Variants in TRPM3 observed in about 807,000 individuals in gnomAD.
TRPM3 encodes transient receptor potential cation channel subfamily M member 3, also known as long transient receptor potential channel 3.
In TRPM3, 77 loss-of-function variants were observed where a neutral mutation model predicts 181.2. The observed-to-expected ratio is 0.42, with a 90% CI of 0.35 to 0.51. TRPM3 has a LOEUF of 0.51. Ranked by LOEUF, TRPM3 falls within the 20% of genes least tolerant of loss-of-function variation. TRPM3 has a pLI of 0.01. For missense variants in TRPM3, 1,759 were observed against 2,196.7 expected (o/e 0.80, Z 3.98); for synonymous variants, 745 against 796.4 (o/e 0.94, Z 1.09).
At chr9:71,284,113 T>TG (rs2085079596) in intron 1 of TRPM3, among the ~76,000 whole-genome samples, 1 of 111,474 alleles carries the variant, frequency 9.0e-6, no homozygotes, top group African/African-American at 3.6e-5. Context: ...CCAGCTTCAA[T>TG]GGGTTTTTTA....
intron 1 of TRPM3, among the ~76,000 whole-genome samples, chr9:71,324,662 C>A (rs746637430): frequency 6.6e-6 from 1 of 152,050 alleles, no homozygotes; most frequent in African/African-American, 2.4e-5. Flanking sequence ...AAGGATACTG[C>A]ACTCACATGT....
chr9:71,013,926 A>G (rs1356424605), intron 1 of TRPM3, among the ~76,000 whole-genome samples: 1 of 151,762 alleles, frequency 6.6e-6, no homozygotes, highest in Non-Finnish European at 1.5e-5. Context: ...TGCCACATTC[A>G]TTCCTGCTCT....
chr9:71,006,988 G>A (rs778498638), intron 1 of TRPM3, among the ~76,000 whole-genome samples: 10 of 127,390 alleles, frequency 7.8e-5, no homozygotes, highest in Non-Finnish European at 1.4e-4. Flanking sequence ...GCAGTGAGCC[G>A]AGATAGTGCC....
At chr9:71,167,174 G>A (rs2076580180) in intron 1 of TRPM3, among the ~76,000 whole-genome samples, 1 of 152,144 alleles carries the variant, frequency 6.6e-6, no homozygotes, top group African/African-American at 2.4e-5. Flanking sequence ...GACCATTTGT[G>A]CTAGTCAATG....
chr9:70,955,623 G>A (rs754417868), intron 1 of TRPM3, among the ~76,000 whole-genome samples: 18 of 152,160 alleles, frequency 1.2e-4, no homozygotes, highest in Non-Finnish European at 7.4e-5. Flanking sequence ...CAAGGAAAGC[G>A]CTAGAACTAG....
intron 1 of TRPM3, among the ~76,000 whole-genome samples, chr9:71,012,038 C>A (rs2097749401): frequency 6.6e-6 from 1 of 152,058 alleles, no homozygotes; most frequent in African/African-American, 2.4e-5. Flanking sequence ...CCGCATTGGC[C>A]TCTCAAAGTG....
intron 1 of TRPM3, among the ~76,000 whole-genome samples, chr9:71,064,634 T>C (rs569957807): frequency 6.6e-6 from 1 of 152,258 alleles, no homozygotes; most frequent in East Asian, 1.9e-4. Context: ...GCATGAATTA[T>C]AAGAGTGGTT....
chr9:70,838,043 T>C (rs2094430720), intron 5 of TRPM3, among the ~76,000 whole-genome samples: 1 of 152,202 alleles, frequency 6.6e-6, no homozygotes, highest in Non-Finnish European at 1.5e-5. Flanking sequence ...TTATAATTAC[T>C]ATTATTGTGG....
At chr9:71,132,889 A>G (rs961088642) in intron 1 of TRPM3, among the ~76,000 whole-genome samples, 1 of 152,192 alleles carries the variant, frequency 6.6e-6, no homozygotes, top group African/African-American at 2.4e-5. Flanking sequence ...ATGTTAGTCA[A>G]TGGAAGATAA....
At chr9:71,272,501 A>G (rs2083881560) in intron 1 of TRPM3, among the ~76,000 whole-genome samples, 2 of 152,180 alleles carry the variant, frequency 1.3e-5, no homozygotes, top group Admixed American at 6.5e-5. Context: ...CCATGTATTT[A>G]TTCATTTGAT....
At chr9:71,087,229 T>C (rs947810359) in intron 1 of TRPM3, among the ~76,000 whole-genome samples, 1 of 152,044 alleles carries the variant, frequency 6.6e-6, no homozygotes, top group Admixed American at 6.6e-5. Flanking sequence ...GCCCATAGAA[T>C]AGCTTTTCGC....
chr9:70,776,688 G>A (rs1332313904), intron 7 of TRPM3, among the ~76,000 whole-genome samples: 2 of 152,192 alleles, frequency 1.3e-5, no homozygotes, highest in Non-Finnish European at 2.9e-5. Flanking sequence ...GGGAAAGAGA[G>A]AAATGTGGTG....
rs182708436 is a variant in TRPM3, at chr9:70,622,932, T to C, written c.1810-1659A>G. On this transcript the variant is annotated intron_variant, in intron 14 of 25. Transcript: ENST00000677713. Reference sequence around the variant, plus strand: ...TCATTTTTTTCTTATTTATAGTTACTGGTATTTTTTTAAAAATTCTGTTAT... The same window carrying C: ...TCATTTTTTTCTTATTTATAGTTACCGGTATTTTTTTAAAAATTCTGTTAT... Among the ~76,000 whole-genome samples the C allele has an allele frequency of 5.4e-4, 83 of 152,340 alleles. No homozygotes were observed. The East Asian group carries it at 0.014, about 25-fold the overall frequency.
intron 1 of TRPM3, among the ~76,000 whole-genome samples, chr9:71,320,557 C>G (rs116958954): frequency 0.01 from 1,524 of 152,262 alleles, 17 homozygotes; most frequent in Middle Eastern, 0.017. Flanking sequence ...AAATCCAACC[C>G]TGGACACCTC....
At chr9:71,238,489 G>A (rs1277219854) in intron 1 of TRPM3, among the ~76,000 whole-genome samples, 1 of 152,074 alleles carries the variant, frequency 6.6e-6, no homozygotes, top group Non-Finnish European at 1.5e-5. Context: ...TATCTCTCAG[G>A]TTGCAGTTCT....
intron 8 of TRPM3, among the ~76,000 whole-genome samples, chr9:70,752,132 G>T (rs1013324512): frequency 6.6e-6 from 1 of 151,494 alleles, no homozygotes; most frequent in Non-Finnish European, 1.5e-5. Context: ...GGCTAAAATA[G>T]TTGGCAACTC....
At chr9:71,080,208 A>AAATAAAT (rs371580814) in intron 1 of TRPM3, among the ~76,000 whole-genome samples, 1 of 139,440 alleles carries the variant, frequency 7.2e-6, no homozygotes, top group African/African-American at 2.6e-5. Context: ...ATAAATAAAT[A>AAATAAAT]AAATAAAAAG....
chr9:71,220,850 C>T (rs2131847630), intron 1 of TRPM3, among the ~76,000 whole-genome samples: 1 of 152,208 alleles, frequency 6.6e-6, no homozygotes, highest in African/African-American at 2.4e-5. Context: ...CATCCCCTGC[C>T]CATCCAACAG....
At chr9:70,919,082 C>G (rs1367043579) in intron 1 of TRPM3, among the ~76,000 whole-genome samples, 1 of 152,112 alleles carries the variant, frequency 6.6e-6, no homozygotes, top group Non-Finnish European at 1.5e-5. Context: ...CTCCCTGTCT[C>G]CCCTCTTTCC....
Sources: gnomAD v4.1 joint callset for allele counts (sites outside exome capture counted in the v4.1 genomes callset) on GRCh38, gnomAD v4.1.1 for gene constraint, MANE v1.5 for transcripts, NCBI Gene and HGNC (gene_info 2026-07-23, HGNC 2026-07-21) for gene names.